Variants in FCRL4 observed in about 807,000 individuals in gnomAD.
FCRL4 encodes the protein Fc receptor-like protein 4.
Under a neutral mutation model 64.1 loss-of-function variants are expected in FCRL4, and 43 were observed. That is an observed-to-expected ratio of 0.67 (90% confidence interval 0.53 to 0.87). FCRL4 has a LOEUF of 0.87. FCRL4 is among the 40% of genes least tolerant of loss of function. The probability of loss-of-function intolerance (pLI) is 0.00; values close to 1 mark genes in which losing one functional copy is unlikely to be tolerated. For synonymous variants in FCRL4, 253 were observed against 239.8 expected, an observed-to-expected ratio of 1.05 and a Z score of -0.51; for missense variants, 656 against 613.5, an observed-to-expected ratio of 1.07 and a Z score of -0.73.
At chr1:157,597,362 TAGGAAATCC>T (rs1255576383) in intron 1 of FCRL4, among the ~76,000 whole-genome samples, 8 of 152,190 alleles carry the variant, frequency 5.3e-5, no homozygotes. Flanking sequence ...TTTGAGCAAC[TAGGAAATCC>T]GTGCCTCATT....
At position 157,588,267 on chromosome 1, in the gene FCRL4, T is replaced by C. The variant is rs1399924640; in HGVS notation, c.308-148A>G. The C allele has an allele frequency of 5.0e-5, 42 of 839,742 alleles. No homozygotes were observed. The Admixed American group carries it at 1.2e-3, about 23-fold the overall frequency. 52.0% of individuals were successfully genotyped at this position (839,742 alleles called of 1,614,324 possible). On this transcript the variant is annotated intron_variant, in intron 3 of 11. Coordinates refer to ENST00000271532, the MANE Select transcript of FCRL4 (RefSeq NM_031282.3). ...GCTCACGAAACTCCTCCTAAATCAG[T>C]GTAACATGCTTCAGGTACAATTCCT...
Position 157,587,878 on chromosome 1 carries a change from T to G in FCRL4, c.549A>C (p.Ile183=), listed in dbSNP as rs754484880. 6.2e-7 allele frequency: 1 copy of G among 1,605,706 alleles called. No individual in the cohort carries two copies. Residue 183 remains isoleucine, a synonymous_variant, in exon 4 of 12, where the codon ATA becomes ATC. Coordinates refer to ENST00000271532, the MANE Select transcript of FCRL4 (RefSeq NM_031282.3). ...ENDVFRSNFK[I]IKIQELFPHP... ...TGAAAGATTCACCTTGAATTTTAATTATTTTGAAATTTGATCTAAATACAT... is the reference window on the plus strand; with the variant it reads ...TGAAAGATTCACCTTGAATTTTAATGATTTTGAAATTTGATCTAAATACAT...
chr1:157,578,468 A>T lies in FCRL4; in HGVS notation c.1429+6T>A. 6.2e-7 allele frequency: 1 copy of T among 1,610,442 alleles called. No individual in the cohort carries two copies. Among genetic ancestry groups the T allele is most frequent in the Non-Finnish European group, 8.5e-7 (1 of 1,176,600 alleles). Reference sequence around the variant, plus strand: ...TTGCAGCCAGAATCTCTTCCCAAAGACGTACCTTCCTCTTCTTCTCCCAGC... The same window carrying T: ...TTGCAGCCAGAATCTCTTCCCAAAGTCGTACCTTCCTCTTCTTCTCCCAGC... On this transcript the variant is annotated splice_donor_region_variant and intron_variant, in intron 10 of 11. Transcript: ENST00000271532.
intron 2 of FCRL4, 99 bp downstream of exon 2, chr1:157,596,229 G>A (rs10489674): frequency 0.32 from 433,849 of 1,336,152 alleles, 71,834 homozygotes; most frequent in Middle Eastern, 0.37. Context: ...CTCAGGAAAA[G>A]GATGAAATGG....
Position 157,574,892 on chromosome 1 carries a change from G to A in FCRL4, c.*632C>T, listed in dbSNP as rs749101053. Reference sequence around the variant, plus strand: ...ATTAACATAATTATCATTTGCTTTTGGAAGCGCAGCCTAGAGCTTGCATCT... The same window carrying A: ...ATTAACATAATTATCATTTGCTTTTAGAAGCGCAGCCTAGAGCTTGCATCT... On this transcript the variant is annotated 3_prime_UTR_variant, in exon 12 of 12. Transcript: ENST00000271532. 2 of 211,940 alleles carry A rather than the reference G, an allele frequency of 9.4e-6. No individual in the cohort carries two copies. Among genetic ancestry groups the A allele is most frequent in the Non-Finnish European group, 1.9e-5 (2 of 104,816 alleles). The allele number at this position is 211,940 out of a possible 1,614,324, so 13.1% of individuals were successfully genotyped here.
At position 157,575,605 on chromosome 1, in the gene FCRL4, GACATCCTGAAATGGA is replaced by G; in HGVS notation, c.1462-10_1466del. On this transcript the variant is annotated splice_acceptor_variant and splice_polypyrimidine_tract_variant and coding_sequence_variant and intron_variant, in exon 12 of 12. Coordinates refer to ENST00000271532, the MANE Select transcript of FCRL4 (RefSeq NM_031282.3). LOFTEE classifies it high-confidence loss of function. The stretch of plus-strand genomic sequence containing the variant: ...TCTTTACCTCAGAGTAGACAACTGA[GACATCCTGAAATGGA>G]AGAAAGAAGTGGAAACCGAGAGGGA... The G allele has an allele frequency of 6.2e-7, 1 of 1,613,692 alleles. No homozygotes were observed. Among genetic ancestry groups the G allele is most frequent in the Admixed American group, 1.7e-5 (1 of 60,012 alleles).
At chr1:157,597,855 T>G in intron 1 of FCRL4, 59 bp downstream of exon 1, 2 of 1,470,528 alleles carry the variant, frequency 1.4e-6, no homozygotes, top group Non-Finnish European at 1.9e-6. Flanking sequence ...AAAAGAGGGC[T>G]TTTGCTCATG....
chr1:157,574,059 A>C lies in FCRL4; in HGVS notation c.*1465T>G. 1 of 211,566 alleles carries C rather than the reference A, an allele frequency of 4.7e-6. No homozygotes were observed. The highest frequency in any genetic ancestry group is 9.6e-6 in the Non-Finnish European group (1 of 104,258). The allele number at this position is 211,566 out of a possible 1,614,324, so 13.1% of individuals were successfully genotyped here. On this transcript the variant is annotated 3_prime_UTR_variant, in exon 12 of 12. Coordinates refer to ENST00000271532, the MANE Select transcript of FCRL4 (RefSeq NM_031282.3). ...ATACATGTGACAAATTCATACACTC[A>C]TATAATTTGTAAAGATCAAATCAGC...
rs1277710973 is a variant in FCRL4 at position 157,573,949 on chromosome 1, AC to A, written c.*1574del. ...TAATTTGAGTCAGGATCCAAACAAG[AC>A]CCACACATTCCTTTTGGTCGACATG... On this transcript the variant is annotated 3_prime_UTR_variant, in exon 12 of 12. Transcript: ENST00000271532. 16 of 198,234 alleles carry A rather than the reference AC, an allele frequency of 8.1e-5. No individual in the cohort carries two copies. The highest frequency in any genetic ancestry group is 1.2e-4 in the African/African-American group (5 of 43,372). The allele number at this position is 198,234 out of a possible 1,614,324, so 12.3% of individuals were successfully genotyped here.
chr1:157,595,486 A>G (rs1652941404), intron 2 of FCRL4, among the ~76,000 whole-genome samples: 1 of 152,240 alleles, frequency 6.6e-6, no homozygotes, highest in Admixed American at 6.5e-5. Context: ...GAAGGGACAT[A>G]ACTTTTCATG....
chr1:157,589,580 C>T, intron 2 of FCRL4, 122 bp from the exon 3 acceptor site: 4 of 1,264,660 alleles, frequency 3.2e-6, no homozygotes, highest in Non-Finnish European at 4.3e-6. Context: ...CGGATGACTT[C>T]TGTTTACCCA....
chr1:157,591,088 A>G lies in FCRL4; in HGVS notation c.53-1630T>C, dbSNP rs186604405. On this transcript the variant is annotated intron_variant, in intron 2 of 11. Coordinates refer to ENST00000271532, the MANE Select transcript of FCRL4 (RefSeq NM_031282.3). Reference sequence around the variant, plus strand: ...AATGTAGGTAACTCTTTTGAAGGGCAATAAATAATGACTATGGTGAATTAA... The same window carrying G: ...AATGTAGGTAACTCTTTTGAAGGGCGATAAATAATGACTATGGTGAATTAA... Among the ~76,000 whole-genome samples, 3 of 152,338 alleles carry G rather than the reference A, an allele frequency of 2.0e-5. No individual in the cohort carries two copies. The East Asian group carries it at 5.8e-4, about 29-fold the overall frequency.
rs777965136 is a variant in FCRL4 at position 157,586,351 on chromosome 1, C to T, written c.952G>A (p.Asp318Asn). 2 of 1,613,764 alleles carry T rather than the reference C, an allele frequency of 1.2e-6. No homozygotes were observed. The highest frequency in any genetic ancestry group is 8.5e-7 in the Non-Finnish European group (1 of 1,180,010). The part of the protein sequence containing the change: ...LVCSVAEGTG[D>N]TTFSWHREDM... ...TCTCGGTGCCAGGAGAATGTGGTATCCCCTGTGCCTTCAGCCACGGAGCAG... is the reference window on the plus strand; with the variant it reads ...TCTCGGTGCCAGGAGAATGTGGTATTCCCTGTGCCTTCAGCCACGGAGCAG... Residue 318 changes from aspartate to asparagine, a missense_variant, in exon 6 of 12, where the codon GAT becomes AAT. Transcript: ENST00000271532.
At chr1:157,594,390 A>G (rs1383555384) in intron 2 of FCRL4, among the ~76,000 whole-genome samples, 8 of 152,186 alleles carry the variant, frequency 5.3e-5, no homozygotes, top group Admixed American at 5.2e-4. Flanking sequence ...CTGTCTCCCT[A>G]CTTCTCCCCA....
At chr1:157,595,459 G>T (rs921940102) in intron 2 of FCRL4, among the ~76,000 whole-genome samples, 4 of 152,246 alleles carry the variant, frequency 2.6e-5, no homozygotes, top group Admixed American at 1.3e-4. Flanking sequence ...GCTATGTGCA[G>T]GTGGCCCTAT....
intron 6 of FCRL4, among the ~76,000 whole-genome samples, chr1:157,585,935 C>T (rs779991146): frequency 2.0e-5 from 3 of 152,108 alleles, no homozygotes; most frequent in Non-Finnish European, 4.4e-5. Flanking sequence ...CACAGACAAA[C>T]AAAATCACCT....
At chr1:157,590,632 C>T (rs552203635) in intron 2 of FCRL4, among the ~76,000 whole-genome samples, 1 of 151,990 alleles carries the variant, frequency 6.6e-6, no homozygotes, top group East Asian at 1.9e-4. Flanking sequence ...ATTCTCCTGC[C>T]TCAGCCTCCT....
chr1:157,581,831 A>G (rs1382445897), intron 6 of FCRL4, among the ~76,000 whole-genome samples, 187 bp from the exon 7 acceptor site: 1 of 152,210 alleles, frequency 6.6e-6, no homozygotes, highest in Non-Finnish European at 1.5e-5. Flanking sequence ...GCCTGAGTGC[A>G]AGAGGAAACA....
intron 2 of FCRL4, 149 bp from the exon 3 acceptor site, chr1:157,589,607 T>G: frequency 1.0e-6 from 1 of 960,948 alleles, no homozygotes; most frequent in Non-Finnish European, 1.5e-6. Context: ...AGGTGAGCTG[T>G]GCTCACCTCC....
Sources: gnomAD v4.1 joint callset for allele counts (sites outside exome capture counted in the v4.1 genomes callset) on GRCh38, gnomAD v4.1.1 for gene constraint, MANE v1.5 for transcripts, NCBI Gene and HGNC (gene_info 2026-07-23, HGNC 2026-07-21) for gene names.